Variants in PALLD observed in about 807,000 individuals in gnomAD.
PALLD encodes the protein palladin.
A neutral mutation model predicts 123.5 loss-of-function variants in PALLD; 61 were observed. That is an observed-to-expected ratio of 0.49 (90% CI 0.40 to 0.61). The LOEUF is 0.61. Among genes scored for constraint, PALLD ranks in the 20% least tolerant of loss-of-function variants. The pLI, the probability that PALLD is intolerant of heterozygous loss-of-function variation, is 0.00. For missense variants in PALLD, 1,273 were observed against 1,377.0 expected (o/e 0.92, Z 1.20); for synonymous variants, 465 against 496.4 (o/e 0.94, Z 0.84).
intron 10 of PALLD, among the ~76,000 whole-genome samples, chr4:168,731,425 G>A (rs749438040): frequency 4.6e-5 from 7 of 152,168 alleles, no homozygotes; most frequent in Non-Finnish European, 8.8e-5. Flanking sequence ...AAGCTACTCA[G>A]TGCCCCATTT....
At position 168,921,856 on chromosome 4, in the gene PALLD, G is replaced by C. The variant is rs1761575471; in HGVS notation, c.3058+115G>C. ...AAATAAAGTATTGAAAAAATAGATT[G>C]TATCATCAAAATAGCCAATGAGGAC... On this transcript the variant is annotated intron_variant, in intron 18 of 21. Coordinates refer to ENST00000505667, the MANE Select transcript of PALLD (RefSeq NM_001166108.2). 9 of 867,038 alleles carry C rather than the reference G, an allele frequency of 1.0e-5. No individual in the cohort carries two copies. The East Asian group carries it at 2.4e-4, about 23-fold the overall frequency. The allele number at this position is 867,038 out of a possible 1,614,324, so 53.7% of individuals were successfully genotyped here. A position where few individuals can be genotyped will look rare whatever the true frequency, so the allele number is the denominator to read the frequency against.
intron 2 of PALLD, among the ~76,000 whole-genome samples, chr4:168,602,674 T>G (rs1772786240): frequency 6.6e-6 from 1 of 152,128 alleles, no homozygotes; most frequent in Non-Finnish European, 1.5e-5. Context: ...AAAATATAAA[T>G]TACCTTAAAA....
intron 10 of PALLD, among the ~76,000 whole-genome samples, chr4:168,729,874 G>A (rs1307002531): frequency 2.0e-5 from 3 of 152,112 alleles, no homozygotes; most frequent in South Asian, 2.1e-4. Flanking sequence ...TCCTAAGAAC[G>A]TTGAAGGAAT....
Position 168,511,760 on chromosome 4 carries a change from T to C in PALLD, c.256T>C (p.Leu86=), listed in dbSNP as rs746909637. Residue 86 remains leucine, a synonymous_variant, in exon 2 of 22, where the codon TTG becomes CTG. Transcript: ENST00000505667. ...CEHPSHKETK[L]GEHASRRPQD... ...ACATCCTTCCCATAAGGAGACCAAA[T>C]TGGGTGAACACGCCTCGAGGAGACC... is the stretch of plus-strand genomic sequence containing the variant. 9 of 1,614,132 alleles carry C rather than the reference T, an allele frequency of 5.6e-6. No individual in the cohort carries two copies. Among genetic ancestry groups the C allele is most frequent in the Admixed American group, 1.7e-5 (1 of 60,028 alleles).
intron 6 of PALLD, among the ~76,000 whole-genome samples, chr4:168,687,786 C>G (rs559103779): frequency 6.6e-6 from 1 of 152,322 alleles, no homozygotes; most frequent in East Asian, 1.9e-4. Context: ...TCCCCCTTCC[C>G]CAAAAGATAA....
chr4:168,620,794 G>A (rs1453049893), intron 2 of PALLD, among the ~76,000 whole-genome samples: 1 of 152,010 alleles, frequency 6.6e-6, no homozygotes, highest in East Asian at 1.9e-4. Flanking sequence ...CTAAACCATG[G>A]GTCTATACCT....
intron 10 of PALLD, chr4:168,712,228 G>C (rs1784902272): frequency 4.2e-6 from 2 of 477,114 alleles, no homozygotes; most frequent in Non-Finnish European, 7.6e-6. Context: ...GGAGGCCATG[G>C]AAAAGGGGGA....
rs1366350916 is a variant in PALLD at position 168,668,177 on chromosome 4, A to T, written c.909-13A>T. ...CTTTCCCTCCTATCCTTTGACCTCC[A>T]TTTGGCCTGCAGATGGTTCTGTGAA... On this transcript the variant is annotated splice_polypyrimidine_tract_variant and intron_variant, in intron 2 of 21. Transcript: ENST00000505667. 1 of 1,610,706 alleles carries T rather than the reference A, an allele frequency of 6.2e-7. No homozygotes were observed. Among genetic ancestry groups the T allele is most frequent in the East Asian group, 2.2e-5 (1 of 44,852 alleles).
At chr4:168,788,271 A>T (rs1368997289) in intron 10 of PALLD, among the ~76,000 whole-genome samples, 1 of 150,408 alleles carries the variant, frequency 6.6e-6, no homozygotes, top group East Asian at 1.9e-4. Flanking sequence ...AGAAAAGGAA[A>T]ATACATAATG....
At chr4:168,605,039 C>A (rs1773031770) in intron 2 of PALLD, among the ~76,000 whole-genome samples, 1 of 152,078 alleles carries the variant, frequency 6.6e-6, no homozygotes, top group African/African-American at 2.4e-5. Context: ...ACTCTGATAC[C>A]TTCTTTGGAA....
At chr4:168,597,084 T>C (rs1383376964) in intron 2 of PALLD, among the ~76,000 whole-genome samples, 1 of 152,208 alleles carries the variant, frequency 6.6e-6, no homozygotes, top group East Asian at 1.9e-4. Flanking sequence ...AGAGAGATAA[T>C]TGTGTTACAG....
intron 2 of PALLD, among the ~76,000 whole-genome samples, chr4:168,664,782 A>C (rs1373947012): frequency 2.0e-5 from 3 of 152,014 alleles, no homozygotes; most frequent in African/African-American, 7.3e-5. Flanking sequence ...AAAAAAAAAA[A>C]AAAAACCCTG....
At position 168,927,071 on chromosome 4, in the gene PALLD, G is replaced by A. The variant is rs1188061898; in HGVS notation, c.*891G>A. ...AACTTATTTACAAACCATATTAAAA[G>A]GCTAATTTAAATATAAATAATATAA... On this transcript the variant is annotated 3_prime_UTR_variant, in exon 22 of 22. Coordinates refer to ENST00000505667, the MANE Select transcript of PALLD (RefSeq NM_001166108.2). The A allele has an allele frequency of 4.5e-6, 1 of 220,300 alleles. No homozygotes were observed. Among genetic ancestry groups the A allele is most frequent in the East Asian group, 6.7e-5 (1 of 14,958 alleles). 13.6% of individuals were successfully genotyped at this position (220,300 alleles called of 1,614,324 possible). A position where few individuals can be genotyped will look rare whatever the true frequency, so the allele number is the denominator to read the frequency against.
At chr4:168,607,365 A>T (rs1773284526) in intron 2 of PALLD, among the ~76,000 whole-genome samples, 1 of 152,174 alleles carries the variant, frequency 6.6e-6, no homozygotes, top group South Asian at 2.1e-4. Flanking sequence ...TACAAAACAC[A>T]CAGTGACCGG....
intron 2 of PALLD, among the ~76,000 whole-genome samples, chr4:168,639,468 G>C (rs1776679050): frequency 6.6e-6 from 1 of 152,070 alleles, no homozygotes; most frequent in Admixed American, 6.5e-5. Context: ...CTCAGACCAT[G>C]AATCATAAGA....
chr4:168,755,158 G>A (rs1281371769), intron 10 of PALLD, among the ~76,000 whole-genome samples: 2 of 151,694 alleles, frequency 1.3e-5, no homozygotes, highest in African/African-American at 4.8e-5. Context: ...GCATGAGCCT[G>A]GGAGGCGGAG....
chr4:168,785,844 GAGATATATATATAT>G (rs1304600519), intron 10 of PALLD, among the ~76,000 whole-genome samples: 1 of 53,196 alleles, frequency 1.9e-5, no homozygotes, highest in African/African-American at 5.7e-5. Flanking sequence ...ATAAACTGTA[GAGATATATATATAT>G]ATATATATAT....
At chr4:168,619,534 T>C (rs953716266) in intron 2 of PALLD, among the ~76,000 whole-genome samples, 6 of 152,228 alleles carry the variant, frequency 3.9e-5, no homozygotes, top group African/African-American at 1.4e-4. Context: ...TTCAGGTGCC[T>C]GGTCTGGAAA....
intron 10 of PALLD, among the ~76,000 whole-genome samples, chr4:168,770,379 A>G (rs189142115): frequency 6.6e-6 from 1 of 152,150 alleles, no homozygotes; most frequent in Non-Finnish European, 1.5e-5. Flanking sequence ...GGAGGTTCAC[A>G]CAGTCAATAA....
Sources: allele counts gnomAD v4.1 joint callset (sites outside exome capture counted in the v4.1 genomes callset), GRCh38; gene constraint gnomAD v4.1.1; transcripts MANE v1.5; gene names NCBI Gene and HGNC (gene_info 2026-07-23, HGNC 2026-07-21).